Variants in TERF2 observed in about 807,000 individuals in gnomAD.
TERF2 encodes the protein telomeric repeat-binding factor 2.
In TERF2, 16 loss-of-function variants were observed where a neutral mutation model predicts 56.1. That is an observed-to-expected ratio of 0.29 (90% CI 0.19 to 0.43). The LOEUF is 0.43. TERF2 is among the 20% of genes least tolerant of loss of function. TERF2 has a pLI of 1.00. For synonymous variants in TERF2, 296 were observed against 282.1 expected, an observed-to-expected ratio of 1.05 and a Z score of -0.50; for missense variants, 547 against 712.9, an observed-to-expected ratio of 0.77 and a Z score of 2.65.
intron 4 of TERF2, among the ~76,000 whole-genome samples, chr16:69,371,444 T>C (rs886984814): frequency 7.2e-6 from 1 of 139,710 alleles, no homozygotes; most frequent in Non-Finnish European, 1.5e-5. Flanking sequence ...GAAGTTGCAG[T>C]GAGCCAAGAT....
chr16:69,360,419 T>C (rs1419506343), intron 8 of TERF2, among the ~76,000 whole-genome samples: 2 of 150,088 alleles, frequency 1.3e-5, no homozygotes, highest in Non-Finnish European at 3.0e-5. Flanking sequence ...ACAATTTTGG[T>C]AGGGTATGGT....
At position 69,357,014 on chromosome 16, in the gene TERF2, G is replaced by C. The variant is rs141190821; in HGVS notation, c.1513C>G (p.Gln505Glu). The change falls in exon 10 of 10, where the codon CAG becomes GAG. Residue 505 changes from glutamine to glutamate, a missense_variant. Gln to Glu is a conservative substitution (Grantham distance 29). This residue lies in a region of TERF2 where 33 missense variants were observed against 69.9 expected (regional missense o/e 0.47). Coordinates refer to ENST00000254942, the MANE Select transcript of TERF2 (RefSeq NM_005652.5). ...GCCCAGTTTCCTTCCCCATATTTCTGCACTCCAGCCTTGACCCACTCGCTT... is the reference window on the plus strand; with the variant it reads ...GCCCAGTTTCCTTCCCCATATTTCTCCACTCCAGCCTTGACCCACTCGCTT... ...EESEWVKAGV[Q>E]KYGEGNWAAI... 5.8e-5 allele frequency: 93 copies of C among 1,613,992 alleles called. No individual in the cohort carries two copies. The African/African-American group carries it at 1.1e-3, about 19-fold the overall frequency.
intron 7 of TERF2, chr16:69,366,557 T>A: frequency 2.0e-6 from 1 of 489,482 alleles, no homozygotes; most frequent in African/African-American, 1.9e-5. Context: ...CAGCGATGAG[T>A]AGGAGGCTCT....
rs1377614662 is a variant in TERF2, at chr16:69,359,528, A to G, written c.1426+1876T>C. On this transcript the variant is annotated intron_variant, in intron 8 of 9. Coordinates refer to ENST00000254942, the MANE Select transcript of TERF2 (RefSeq NM_005652.5). ...GGGCAACAGAGCGAGACTCTGTCTC[A>G]AAAAAAAAAAAAAAGAAATCATATG... is the stretch of plus-strand genomic sequence containing the variant. Among the ~76,000 whole-genome samples, 10 of 69,668 alleles carry G rather than the reference A, an allele frequency of 1.4e-4. No individual in the cohort carries two copies. The South Asian group carries it at 3.1e-3, about 22-fold the overall frequency. The allele number at this position is 69,668 out of a possible 152,430, so 45.7% of individuals were successfully genotyped here. A position where few individuals can be genotyped will look rare whatever the true frequency, so the allele number is the denominator to read the frequency against.
At chr16:69,371,000 C>CACACAG (rs962947378) in intron 4 of TERF2, among the ~76,000 whole-genome samples, 3 of 151,146 alleles carry the variant, frequency 2.0e-5, no homozygotes, top group Non-Finnish European at 4.4e-5. Context: ...TCTGTACACA[C>CACACAG]ACACACACAC....
intron 3 of TERF2, among the ~76,000 whole-genome samples, chr16:69,377,202 CAA>C (rs556264748): frequency 2.3e-4 from 22 of 95,260 alleles, no homozygotes; most frequent in African/African-American, 2.7e-4. Flanking sequence ...GACTCCATCT[CAA>C]AAAAAAAAAA....
At chr16:69,364,894 C>G (rs1022797583) in intron 7 of TERF2, 1 of 152,216 alleles carries the variant, frequency 6.6e-6, no homozygotes, top group African/African-American at 2.4e-5. Context: ...AAGCCTGTCT[C>G]TGCTGTGGCT....
Position 69,372,171 on chromosome 16 carries a change from T to G in TERF2, c.693+98A>C, listed in dbSNP as rs2013600451. ...GGTGTTACATGTTGAAAGGAGAATA[T>G]TTAAGTAATATTCCTGACCAAGAAC... On this transcript the variant is annotated intron_variant, in intron 4 of 9. Coordinates refer to ENST00000254942, the MANE Select transcript of TERF2 (RefSeq NM_005652.5). The G allele has an allele frequency of 2.3e-5, 18 of 779,122 alleles. No individual in the cohort carries two copies. In the South Asian group the frequency reaches 3.3e-4, roughly 14 times the overall value. The allele number at this position is 779,122 out of a possible 1,614,324, so 48.3% of individuals were successfully genotyped here. A position where few individuals can be genotyped will look rare whatever the true frequency, so the allele number is the denominator to read the frequency against.
At chr16:69,361,175 TGA>T (rs1474798817) in intron 8 of TERF2, among the ~76,000 whole-genome samples, 1 of 150,632 alleles carries the variant, frequency 6.6e-6, no homozygotes, top group African/African-American at 2.5e-5. Flanking sequence ...TGAAGCTCAG[TGA>T]GCCATGTTTA....
In TERF2 at chr16:69,356,000, T is replaced by C. The variant is rs868507668; in HGVS notation, c.*898A>G. 1 of 286,212 alleles carries C rather than the reference T, an allele frequency of 3.5e-6. No individual in the cohort carries two copies. Among genetic ancestry groups the C allele is most frequent in the Non-Finnish European group, 7.0e-6 (1 of 143,250 alleles). 17.7% of individuals were successfully genotyped at this position (286,212 alleles called of 1,614,324 possible). ...ATGAGAAGTGGAGGATTAACCTGCC[T>C]ACATAGCCCAGCAGATGTTGACAGC... On this transcript the variant is annotated 3_prime_UTR_variant, in exon 10 of 10. Coordinates refer to ENST00000254942, the MANE Select transcript of TERF2 (RefSeq NM_005652.5).
chr16:69,369,132 A>AGTTCTGTCCACACACACACACAGCAGC (rs745606460), intron 5 of TERF2, among the ~76,000 whole-genome samples: 1 of 149,008 alleles, frequency 6.7e-6, no homozygotes, highest in African/African-American at 2.5e-5. Context: ...TTATATAGAT[A>AGTTCTGTCCACACACACACACAGCAGC]AGGATAGTTT....
chr16:69,360,511 C>G (rs567522060), intron 8 of TERF2, among the ~76,000 whole-genome samples: 1 of 152,036 alleles, frequency 6.6e-6, no homozygotes, highest in East Asian at 1.9e-4. Flanking sequence ...CGAGATCATA[C>G]TGGCCAACAT....
Position 69,356,181 on chromosome 16 carries a change from G to C in TERF2, c.*717C>G. On this transcript the variant is annotated 3_prime_UTR_variant, in exon 10 of 10. Coordinates refer to ENST00000254942, the MANE Select transcript of TERF2 (RefSeq NM_005652.5). ...CATCAGAAGGCCAGAACTTGACGTG[G>C]AACAAATTTACTCCAAATAATACTC... is the stretch of plus-strand genomic sequence containing the variant. The C allele has an allele frequency of 2.2e-6, 1 of 455,458 alleles. No individual in the cohort carries two copies. The highest frequency in any genetic ancestry group is 1.6e-5 in the South Asian group (1 of 64,458). 28.2% of individuals were successfully genotyped at this position (455,458 alleles called of 1,614,324 possible).
At chr16:69,361,654 G>A (rs1272128583) in intron 7 of TERF2, among the ~76,000 whole-genome samples, 165 bp from the exon 8 acceptor site, 2 of 152,020 alleles carry the variant, frequency 1.3e-5, no homozygotes, top group Non-Finnish European at 2.9e-5. Context: ...CTTTCTCCTG[G>A]CTGGCCAGGC....
At chr16:69,380,789 G>A (rs1320374982) in intron 3 of TERF2, among the ~76,000 whole-genome samples, 2 of 150,668 alleles carry the variant, frequency 1.3e-5, no homozygotes, top group East Asian at 3.9e-4. Flanking sequence ...TTCAAATATT[G>A]ACACATTCAT....
At chr16:69,375,170 T>C (rs2013733317) in intron 3 of TERF2, among the ~76,000 whole-genome samples, 1 of 152,178 alleles carries the variant, frequency 6.6e-6, no homozygotes. Context: ...TGAAGGACAT[T>C]TGAGATGTCT....
rs768045429 is a variant in TERF2, at chr16:69,356,569, GT to G, written c.*328del. 3.0e-4 allele frequency: 77 copies of G among 253,636 alleles called. No homozygotes were observed. In the Middle Eastern group the frequency reaches 9.7e-3, roughly 32 times the overall value. 15.7% of individuals were successfully genotyped at this position (253,636 alleles called of 1,614,324 possible). On this transcript the variant is annotated 3_prime_UTR_variant, in exon 10 of 10. Transcript: ENST00000254942. Reference sequence around the variant, plus strand: ...TAATCCCAGCACTTTGGGAGGCCGAGTTGGGTGGATCACGAGGTCAGGAGAT... The same window carrying G: ...TAATCCCAGCACTTTGGGAGGCCGAGTGGGTGGATCACGAGGTCAGGAGAT...
intron 7 of TERF2, chr16:69,366,452 A>G (rs753689299): frequency 9.5e-5 from 22 of 231,328 alleles, no homozygotes; most frequent in Non-Finnish European, 1.7e-4. Flanking sequence ...TTTAAGGGTC[A>G]AAGTATAATG....
In TERF2 at chr16:69,356,790, ACT is replaced by A. The variant is rs547885370; in HGVS notation, c.*106_*107del. On this transcript the variant is annotated 3_prime_UTR_variant, in exon 10 of 10. Coordinates refer to ENST00000254942, the MANE Select transcript of TERF2 (RefSeq NM_005652.5). Reference sequence around the variant, plus strand: ...ACTCCAGCCTGGGTGACAGAGCGAGACTCTGTCTCAAAAAAAAAAAAAAAAGA... The same window carrying A: ...ACTCCAGCCTGGGTGACAGAGCGAGACTGTCTCAAAAAAAAAAAAAAAAGA... 3.0e-5 allele frequency: 38 copies of A among 1,250,140 alleles called. 1 individual carries two copies. In the South Asian group the frequency reaches 5.5e-4, roughly 18 times the overall value. The allele number at this position is 1,250,140 out of a possible 1,614,324, so 77.4% of individuals were successfully genotyped here. A position where few individuals can be genotyped will look rare whatever the true frequency, so the allele number is the denominator to read the frequency against.
Sources: allele counts gnomAD v4.1 joint callset (sites outside exome capture counted in the v4.1 genomes callset), GRCh38; gene constraint gnomAD v4.1.1; regional missense constraint gnomAD v4.1.1; transcripts MANE v1.5; gene names NCBI Gene and HGNC (gene_info 2026-07-23, HGNC 2026-07-21).